The following APBA2 variants were observed in gnomAD, a reference collection of about 807,000 sequenced individuals.
APBA2 encodes the protein amyloid beta precursor protein binding family A member 2.
Under a neutral mutation model 75.0 loss-of-function variants are expected in APBA2, and 30 were observed. The ratio of observed to expected loss-of-function variants is 0.40; its 90% CI spans 0.30 to 0.54. The LOEUF is 0.54. Ranked by LOEUF, APBA2 falls within the 20% of genes least tolerant of loss-of-function variation. The probability of loss-of-function intolerance (pLI) is 0.49; values close to 1 mark genes in which losing one functional copy is unlikely to be tolerated. For synonymous variants in APBA2, 444 were observed against 409.6 expected (o/e 1.08, Z -1.01); for missense variants, 801 against 1,016.1 (o/e 0.79, Z 2.88).
intron 3 of APBA2, among the ~76,000 whole-genome samples, chr15:29,036,588 TGC>T (rs2040765120): frequency 1.3e-5 from 2 of 152,132 alleles, no homozygotes; most frequent in African/African-American, 4.8e-5. Flanking sequence ...GGGTTTGGGG[TGC>T]AGAGACCTCA....
intron 3 of APBA2, among the ~76,000 whole-genome samples, chr15:29,007,558 GA>G (rs1221593858): frequency 6.6e-6 from 1 of 152,144 alleles, no homozygotes; most frequent in African/African-American, 2.4e-5. Flanking sequence ...ATTAACAAAC[GA>G]ACAAAGGGCT....
At chr15:28,934,911 C>T (rs777086138) in intron 2 of APBA2, among the ~76,000 whole-genome samples, 5 of 152,164 alleles carry the variant, frequency 3.3e-5, no homozygotes, top group Admixed American at 6.5e-5. Flanking sequence ...GGATAGAGCC[C>T]GGAGACCTGG....
In APBA2 at chr15:29,033,992, AGAAG is replaced by A. The variant is rs149624144; in HGVS notation, c.-40-19851_-40-19848del. 5.7e-3 allele frequency among the ~76,000 whole-genome samples: 836 copies of A among 147,740 alleles called. 16 individuals carry two copies. Among genetic ancestry groups the A allele is most frequent in the East Asian group, 0.039 (185 of 4,694 alleles). ...AAAAAAAAAAAAAAAAAAAAAAAGA[AGAAG>A]GGACACCTAGGGTGAAGTCTGGGAG... On this transcript the variant is annotated intron_variant, in intron 3 of 14. Coordinates refer to ENST00000683413, the MANE Select transcript of APBA2 (RefSeq NM_001353788.2).
intron 2 of APBA2, among the ~76,000 whole-genome samples, chr15:28,929,762 T>C (rs2034465440): frequency 6.6e-6 from 1 of 152,220 alleles, no homozygotes; most frequent in Admixed American, 6.5e-5. Context: ...CCATTATCCA[T>C]GTCTTGTTGA....
chr15:28,888,764 G>C (rs2031929238), intron 1 of APBA2, among the ~76,000 whole-genome samples: 1 of 152,148 alleles, frequency 6.6e-6, no homozygotes, highest in South Asian at 2.1e-4. Context: ...GGCGGTCCTG[G>C]CTGTATCACT....
At position 29,046,325 on chromosome 15, in the gene APBA2, C is replaced by T. The variant is rs981683209; in HGVS notation, c.-40-7520C>T. Among the ~76,000 whole-genome samples the T allele has an allele frequency of 6.6e-6, 1 of 152,204 alleles. No individual in the cohort carries two copies. ...ACCTTTCCTTCTCACCTCCCCTTGG[C>T]CACACCCCACTTTTGTGTCTTGGGA... On this transcript the variant is annotated intron_variant, in intron 3 of 14. Transcript: ENST00000683413. This position sits in a 1 kb window ranked among gnomAD's most constrained non-coding sequence, Gnocchi z 5.0.
At chr15:29,036,748 G>C (rs2040773579) in intron 3 of APBA2, among the ~76,000 whole-genome samples, 1 of 152,160 alleles carries the variant, frequency 6.6e-6, no homozygotes, top group African/African-American at 2.4e-5. Flanking sequence ...GACCAGGCAT[G>C]GTGGTTCATG....
chr15:29,113,823 C>G, intron 13 of APBA2, 53 bp from the exon 14 acceptor site: 1 of 1,594,302 alleles, frequency 6.3e-7, no homozygotes, highest in Non-Finnish European at 8.6e-7. Flanking sequence ...CGTGGTGGAG[C>G]GCCTGTCGGG....
At chr15:28,902,876 C>T (rs1006835261) in intron 1 of APBA2, among the ~76,000 whole-genome samples, 3 of 152,096 alleles carry the variant, frequency 2.0e-5, no homozygotes, top group African/African-American at 7.2e-5. Flanking sequence ...TTTACTGTTC[C>T]CATGAAAACT....
In APBA2 at chr15:28,984,251, G is replaced by A. The variant is rs147171426; in HGVS notation, c.-94-11502G>A. Among the ~76,000 whole-genome samples the A allele has an allele frequency of 7.0e-3, 1,071 of 152,208 alleles. 8 individuals carry two copies. The highest frequency in any genetic ancestry group is 0.025 in the African/African-American group (1,021 of 41,524). ...CATGCTGGGGGAGTGAGGGCAGGGG[G>A]AGCTGCGGAGGCAGGGCTCTGAGGG... is the stretch of plus-strand genomic sequence containing the variant. On this transcript the variant is annotated intron_variant, in intron 2 of 14. Coordinates refer to ENST00000683413, the MANE Select transcript of APBA2 (RefSeq NM_001353788.2).
At position 29,003,964 on chromosome 15, in the gene APBA2, A is replaced by G. The variant is rs537141547; in HGVS notation, c.-41+8158A>G. On this transcript the variant is annotated intron_variant, in intron 3 of 14. Transcript: ENST00000683413. ...GATTGCCTAGCCAAGTCAGTACCTC[A>G]AAAAGACCACACTCTTGATAACACG... is the stretch of plus-strand genomic sequence containing the variant. Among the ~76,000 whole-genome samples, 281 of 152,308 alleles carry G rather than the reference A, an allele frequency of 1.8e-3. 2 individuals are homozygous for G. Among genetic ancestry groups the G allele is most frequent in the African/African-American group, 6.4e-3 (267 of 41,568 alleles).
chr15:28,960,285 AC>A (rs2036396895), intron 2 of APBA2, among the ~76,000 whole-genome samples: 1 of 151,606 alleles, frequency 6.6e-6, no homozygotes, highest in African/African-American at 2.4e-5. Context: ...ACACAGCAAG[AC>A]CCCTGTCTCC....
At chr15:28,895,512 C>CTGAA (rs1567414373) in intron 1 of APBA2, 2 of 152,338 alleles carry the variant, frequency 1.3e-5, no homozygotes, top group Non-Finnish European at 2.9e-5. Context: ...ACCCTCTTCC[C>CTGAA]CTTTCAGGCG....
intron 6 of APBA2, among the ~76,000 whole-genome samples, chr15:29,085,865 CGTT>C (rs1181992939): frequency 1.3e-5 from 2 of 152,018 alleles, no homozygotes; most frequent in Admixed American, 6.6e-5. Flanking sequence ...TGTGGTTGCT[CGTT>C]GTTGTAGATT....
intron 3 of APBA2, among the ~76,000 whole-genome samples, chr15:29,043,138 G>A (rs932627262): frequency 5.3e-5 from 8 of 152,130 alleles, no homozygotes; most frequent in Admixed American, 6.5e-5. Flanking sequence ...TTCCTGTTAC[G>A]GCATTAATGC....
intron 1 of APBA2, among the ~76,000 whole-genome samples, chr15:28,896,247 G>A (rs138828129): frequency 2.0e-5 from 3 of 152,208 alleles, no homozygotes; most frequent in East Asian, 1.9e-4. Flanking sequence ...AGTAGTTCAC[G>A]TCAACTGATG....
intron 12 of APBA2, 69 bp downstream of exon 12, chr15:29,106,888 C>T (rs755135305): frequency 2.1e-6 from 3 of 1,451,496 alleles, no homozygotes; most frequent in South Asian, 1.2e-5. Flanking sequence ...CACTTTGCTG[C>T]AATCCCCACT....
At chr15:28,930,464 A>G (rs2152687147) in intron 2 of APBA2, among the ~76,000 whole-genome samples, 1 of 152,296 alleles carries the variant, frequency 6.6e-6, no homozygotes, top group Non-Finnish European at 1.5e-5. Context: ...TTTCAGTCCC[A>G]GGAACATTGT....
At chr15:28,886,650 C>T (rs1371227393) in intron 1 of APBA2, among the ~76,000 whole-genome samples, 1 of 152,130 alleles carries the variant, frequency 6.6e-6, no homozygotes, top group African/African-American at 2.4e-5. Flanking sequence ...GGCCGGGCTG[C>T]TTGGCACCGG....
Sources: allele counts gnomAD v4.1 joint callset (sites outside exome capture counted in the v4.1 genomes callset), GRCh38; gene constraint gnomAD v4.1.1; non-coding constraint Gnocchi (gnomAD v3.1); transcripts MANE v1.5; gene names NCBI Gene and HGNC (gene_info 2026-07-23, HGNC 2026-07-21).